Variants in LHCGR observed in about 807,000 individuals in gnomAD.
LHCGR encodes luteinizing hormone/choriogonadotropin receptor, also known as lutropin-choriogonadotropic hormone receptor.
Under a neutral mutation model 60.7 loss-of-function variants are expected in LHCGR, and 55 were observed. The observed-to-expected ratio is 0.91, with a 90% CI of 0.73 to 1.13. The LOEUF (loss-of-function observed/expected upper bound fraction) is 1.13. Among genes scored for constraint, LHCGR ranks in the 50% most tolerant of loss-of-function variants. The pLI, the probability that LHCGR is intolerant of heterozygous loss-of-function variation, is 0.00. For missense variants in LHCGR, 862 were observed against 836.0 expected (o/e 1.03, Z -0.38); for synonymous variants, 337 against 316.5 (o/e 1.06, Z -0.69).
chr2:48,732,208 A>G (rs1669024427), intron 1 of LHCGR, among the ~76,000 whole-genome samples: 1 of 152,212 alleles, frequency 6.6e-6, no homozygotes, highest in African/African-American at 2.4e-5. Context: ...ACATTTATTG[A>G]GTATCTACAA....
intron 8 of LHCGR, among the ~76,000 whole-genome samples, chr2:48,703,789 G>A (rs771273142): frequency 5.9e-5 from 9 of 152,048 alleles, no homozygotes; most frequent in Admixed American, 2.0e-4. Flanking sequence ...GATTTTGGGC[G>A]GAGACGATAG....
Position 48,688,927 on chromosome 2 carries a change from G to T in LHCGR, c.948-78C>A. On this transcript the variant is annotated intron_variant, in intron 10 of 10. Coordinates refer to ENST00000294954, the MANE Select transcript of LHCGR (RefSeq NM_000233.4). The surrounding 1 kb of genome is among the most constrained non-coding windows in gnomAD (Gnocchi z 5.2). ...AATTCAAGAATTATGTTTCTTTAAA[G>T]GCAAAGAAACAAAAGGAAACAAAGC... is the stretch of plus-strand genomic sequence containing the variant. 1 of 1,359,098 alleles carries T rather than the reference G, an allele frequency of 7.4e-7. No individual in the cohort carries two copies. The highest frequency in any genetic ancestry group is 1.0e-6 in the Non-Finnish European group (1 of 961,326). 84.2% of individuals were successfully genotyped at this position (1,359,098 alleles called of 1,614,324 possible). A position where few individuals can be genotyped will look rare whatever the true frequency, so the allele number is the denominator to read the frequency against.
rs1015981246 is a variant in LHCGR, at chr2:48,687,270, A to G, written c.*427T>C. On this transcript the variant is annotated 3_prime_UTR_variant, in exon 11 of 11. Coordinates refer to ENST00000294954, the MANE Select transcript of LHCGR (RefSeq NM_000233.4). The stretch of plus-strand genomic sequence containing the variant: ...GTGGCTAGTGGCTACCGGATTGGAC[A>G]GTGCATCTCTAGAGTGTGTTTTTCA... The G allele has an allele frequency of 1.3e-4, 22 of 170,176 alleles. No homozygotes were observed. Among genetic ancestry groups the G allele is most frequent in the Middle Eastern group, 2.9e-3 (1 of 346 alleles). 10.5% of individuals were successfully genotyped at this position (170,176 alleles called of 1,614,324 possible).
chr2:48,728,561 G>C (rs1464689168), intron 3 of LHCGR, among the ~76,000 whole-genome samples: 2 of 152,104 alleles, frequency 1.3e-5, no homozygotes, highest in East Asian at 3.9e-4. Context: ...AACCTCTTCA[G>C]GCCACAGATT....
At chr2:48,739,501 TG>T (rs200563358) in intron 1 of LHCGR, among the ~76,000 whole-genome samples, 6,752 of 152,280 alleles carry the variant, frequency 0.044, 206 homozygotes, top group Non-Finnish European at 0.056. Flanking sequence ...GATGAGTTCA[TG>T]TCCTTTGTAG....
At chr2:48,709,878 T>C (rs1346850652) in intron 7 of LHCGR, among the ~76,000 whole-genome samples, 1 of 152,162 alleles carries the variant, frequency 6.6e-6, no homozygotes. Context: ...GAGGAATCCC[T>C]GGGCTCAAGT....
chr2:48,753,241 A>G (rs908377821), intron 1 of LHCGR, among the ~76,000 whole-genome samples: 2 of 152,152 alleles, frequency 1.3e-5, no homozygotes, highest in Non-Finnish European at 2.9e-5. Flanking sequence ...TGCTGAGCTA[A>G]GACCATACTT....
intron 1 of LHCGR, among the ~76,000 whole-genome samples, chr2:48,753,514 G>A (rs889508575): frequency 2.4e-4 from 36 of 152,126 alleles, no homozygotes; most frequent in African/African-American, 7.7e-4. Flanking sequence ...TCCTGGTGGT[G>A]GATGCTCAGG....
rs1232901309 is a variant in LHCGR, at chr2:48,688,343, A to G, written c.1454T>C (p.Leu485Pro). 1 of 1,614,224 alleles carries G rather than the reference A, an allele frequency of 6.2e-7. No individual in the cohort carries two copies. Among genetic ancestry groups the G allele is most frequent in the East Asian group, 2.2e-5 (1 of 44,876 alleles). Reference sequence around the variant, plus strand: ...AAAGAGCCATCCTCCAAGCATAATCAGAATGGCATGTCTTAATCGCAGCTT... The same window carrying G: ...AAAGAGCCATCCTCCAAGCATAATCGGAATGGCATGTCTTAATCGCAGCTT... ...DQKLRLRHAI[L>P]IMLGGWLFSS... Residue 485 changes from leucine to proline, a missense_variant, in exon 11 of 11, where the codon CTG (leucine) becomes CCG (proline). Physicochemically the swap from Leu to Pro is moderately conservative, Grantham distance 98 (BLOSUM62 -3). Coordinates refer to ENST00000294954, the MANE Select transcript of LHCGR (RefSeq NM_000233.4). This position sits in a 1 kb window ranked among gnomAD's most constrained non-coding sequence, Gnocchi z 5.2.
intron 1 of LHCGR, among the ~76,000 whole-genome samples, chr2:48,744,556 C>G (rs1669612776): frequency 1.4e-5 from 1 of 72,608 alleles, no homozygotes; most frequent in Non-Finnish European, 2.7e-5. Flanking sequence ...CTACAACTAT[C>G]TGATCTTTGA....
intron 1 of LHCGR, among the ~76,000 whole-genome samples, chr2:48,732,670 T>C (rs1200684086): frequency 6.6e-6 from 1 of 152,182 alleles, no homozygotes; most frequent in Non-Finnish European, 1.5e-5. Context: ...CATGTCTTGG[T>C]GAGCAAGGTG....
In LHCGR at chr2:48,708,889, C is replaced by G. The variant is rs1667835210; in HGVS notation, c.680+59G>C. ...CTTGGGGATGATGTGGAGGGACACC[C>G]TAAGCAGTCCTGTTGGGGTACACTG... On this transcript the variant is annotated intron_variant, in intron 8 of 10. Coordinates refer to ENST00000294954, the MANE Select transcript of LHCGR (RefSeq NM_000233.4). The G allele has an allele frequency of 1.1e-5, 15 of 1,318,800 alleles. No homozygotes were observed. In the South Asian group the frequency reaches 1.5e-4, roughly 13 times the overall value. 81.7% of individuals were successfully genotyped at this position (1,318,800 alleles called of 1,614,324 possible).
chr2:48,742,268 C>A (rs1453485478), intron 1 of LHCGR, among the ~76,000 whole-genome samples: 1 of 152,116 alleles, frequency 6.6e-6, no homozygotes, highest in African/African-American at 2.4e-5. Flanking sequence ...CCACTGTCAA[C>A]ATTAGACAGA....
chr2:48,712,198 C>T (rs1668026317), intron 7 of LHCGR, among the ~76,000 whole-genome samples: 1 of 152,004 alleles, frequency 6.6e-6, no homozygotes, highest in East Asian at 1.9e-4. Flanking sequence ...TTACCTCTCT[C>T]TGGGGAGGCT....
Position 48,688,871 on chromosome 2 carries a change from T to A in LHCGR, c.948-22A>T. ...ATAACTGTAAGAAGAATTATTGGCT[T>A]GAGGTAAGGGATTTTCTCTGAGTAT... is the stretch of plus-strand genomic sequence containing the variant. On this transcript the variant is annotated intron_variant, in intron 10 of 10. Coordinates refer to ENST00000294954, the MANE Select transcript of LHCGR (RefSeq NM_000233.4). The surrounding 1 kb of genome is among the most constrained non-coding windows in gnomAD (Gnocchi z 5.2). 6.2e-7 allele frequency: 1 copy of A among 1,608,586 alleles called. No individual in the cohort carries two copies. Among genetic ancestry groups the A allele is most frequent in the South Asian group, 1.1e-5 (1 of 90,904 alleles).
At chr2:48,725,774 A>C (rs775289380) in intron 3 of LHCGR, 24 bp from the exon 4 acceptor site, 1 of 1,565,158 alleles carries the variant, frequency 6.4e-7, no homozygotes, top group African/African-American at 1.4e-5. Context: ...GGGAAAAAAA[A>C]AGCTGCTGTT....
In LHCGR at chr2:48,687,511, G is replaced by A. The variant is rs1190656851; in HGVS notation, c.*186C>T. ...TTCAGTATTTATGCCATGTAACAAT[G>A]ACAAATAGTTTTTAGTGTGGCAGTG... is the stretch of plus-strand genomic sequence containing the variant. On this transcript the variant is annotated 3_prime_UTR_variant, in exon 11 of 11. Transcript: ENST00000294954. The A allele has an allele frequency of 2.9e-5, 16 of 548,398 alleles. No homozygotes were observed. Among genetic ancestry groups the A allele is most frequent in the Non-Finnish European group, 4.8e-5 (15 of 311,450 alleles). The allele number at this position is 548,398 out of a possible 1,614,324, so 34.0% of individuals were successfully genotyped here. A position where few individuals can be genotyped will look rare whatever the true frequency, so the allele number is the denominator to read the frequency against.
chr2:48,688,587 C>T lies in LHCGR; in HGVS notation c.1210G>A (p.Ala404Thr). 6.2e-7 allele frequency: 1 copy of T among 1,614,114 alleles called. No homozygotes were observed. Among genetic ancestry groups the T allele is most frequent in the Non-Finnish European group, 8.5e-7 (1 of 1,180,040 alleles). The change falls in exon 11 of 11, where the codon GCA (alanine) becomes ACA (threonine). Residue 404 changes from alanine to threonine, a missense_variant. Coordinates refer to ENST00000294954, the MANE Select transcript of LHCGR (RefSeq NM_000233.4). This position sits in a 1 kb window ranked among gnomAD's most constrained non-coding sequence, Gnocchi z 5.2. The part of the protein sequence containing the change: ...PRFLMCNLSF[A>T]DFCMGLYLLL... ...AGATAGAGCCCCATGCAAAAGTCTGCAAAGGAGAGATTGCACATGAGAAAA... is the reference window on the plus strand; with the variant it reads ...AGATAGAGCCCCATGCAAAAGTCTGTAAAGGAGAGATTGCACATGAGAAAA...
intron 1 of LHCGR, chr2:48,732,754 G>A (rs1054771204): frequency 3.0e-5 from 14 of 460,156 alleles, no homozygotes; most frequent in Admixed American, 1.8e-4. Flanking sequence ...TCTGCAAAGC[G>A]GTTTACCAGC....
Sources: gnomAD v4.1 joint callset for allele counts (sites outside exome capture counted in the v4.1 genomes callset) on GRCh38, gnomAD v4.1.1 for gene constraint, Gnocchi (gnomAD v3.1) non-coding constraint, MANE v1.5 for transcripts, NCBI Gene and HGNC (gene_info 2026-07-23, HGNC 2026-07-21) for gene names.